CAMK4: variants seen among roughly 807,000 people sequenced by gnomAD.
CAMK4 encodes the protein calcium/calmodulin-dependent protein kinase type IV.
CAMK4 carries 22 observed loss-of-function variants against 44.9 expected under a neutral mutation model. The observed-to-expected ratio is 0.49, with a 90% CI of 0.35 to 0.70. The LOEUF is 0.70. Among genes scored for constraint, CAMK4 ranks in the 30% least tolerant of loss-of-function variants. The probability of loss-of-function intolerance (pLI) is 0.01; values close to 1 mark genes in which losing one functional copy is unlikely to be tolerated. For missense variants in CAMK4, 498 were observed against 586.8 expected, an observed-to-expected ratio of 0.85 and a Z score of 1.56; for synonymous variants, 218 against 215.4, an observed-to-expected ratio of 1.01 and a Z score of -0.11.
intron 8 of CAMK4, among the ~76,000 whole-genome samples, chr5:111,475,197 A>G (rs185305575): frequency 2.0e-5 from 3 of 152,192 alleles, no homozygotes; most frequent in Admixed American, 2.0e-4. Context: ...AAGAAAAAGA[A>G]AAGCTTGAGA....
intron 1 of CAMK4, among the ~76,000 whole-genome samples, chr5:111,341,686 G>A (rs1288349570): frequency 6.6e-6 from 1 of 151,150 alleles, no homozygotes; most frequent in African/African-American, 2.4e-5. Flanking sequence ...ACCTTACTGT[G>A]CCAAGTATCA....
intron 1 of CAMK4, among the ~76,000 whole-genome samples, chr5:111,332,718 T>C (rs2560495): frequency 0.36 from 53,940 of 151,400 alleles, 10,562 homozygotes; most frequent in South Asian, 0.52. Flanking sequence ...GTCTAGTGCA[T>C]TTGGGTGTTA....
At position 111,459,686 on chromosome 5, in the gene CAMK4, C is replaced by CTTTTTTTTTTTTTTTTTT. The variant is rs56176713; in HGVS notation, c.625+10492_625+10509dup. ...TGTTCTCTTTGAGTTTAGAGACAGT[C>CTTTTTTTTTTTTTTTTTT]TTTTTTTTTTTTTTTTTTTTTTTTT... is the stretch of plus-strand genomic sequence containing the variant. On this transcript the variant is annotated intron_variant, in intron 7 of 10. Transcript: ENST00000282356. 3.2e-4 allele frequency among the ~76,000 whole-genome samples: 28 copies of CTTTTTTTTTTTTTTTTTT among 86,688 alleles called. 1 individual carries two copies. Among genetic ancestry groups the CTTTTTTTTTTTTTTTTTT allele is most frequent in the African/African-American group, 1.4e-3 (28 of 20,122 alleles). 56.9% of individuals were successfully genotyped at this position (86,688 alleles called of 152,430 possible).
chr5:111,346,569 A>G (rs943659279), intron 2 of CAMK4, among the ~76,000 whole-genome samples: 2 of 151,776 alleles, frequency 1.3e-5, no homozygotes, highest in Non-Finnish European at 1.5e-5. Flanking sequence ...GGTCCAATAA[A>G]CTACCACAAA....
intron 2 of CAMK4, among the ~76,000 whole-genome samples, chr5:111,366,568 T>A (rs1469179291): frequency 6.6e-6 from 1 of 152,154 alleles, no homozygotes; most frequent in Non-Finnish European, 1.5e-5. Context: ...GCTTTTTTCT[T>A]CATATGTTTT....
rs180806724 is a variant in CAMK4 at position 111,243,894 on chromosome 5, A to C, written c.161+19250A>C. Among the ~76,000 whole-genome samples the C allele has an allele frequency of 1.3e-3, 205 of 152,332 alleles. 1 individual carries two copies. The highest frequency in any genetic ancestry group is 2.1e-3 in the Non-Finnish European group (142 of 68,032). On this transcript the variant is annotated intron_variant, in intron 1 of 10. Transcript: ENST00000282356. ...TTCACCATTCTTAAGATTCTGACTT[A>C]GATTTTTTCAGGAACTTAGAGCTGG...
In CAMK4 at chr5:111,486,813, G is replaced by C. The variant is rs566032638; in HGVS notation, c.*2347G>C. 54 of 152,104 alleles carry C rather than the reference G, an allele frequency of 3.6e-4. No homozygotes were observed. Among genetic ancestry groups the C allele is most frequent in the African/African-American group, 1.3e-3 (52 of 41,500 alleles). 9.4% of individuals were successfully genotyped at this position (152,104 alleles called of 1,614,324 possible). On this transcript the variant is annotated 3_prime_UTR_variant, in exon 11 of 11. Coordinates refer to ENST00000282356, the MANE Select transcript of CAMK4 (RefSeq NM_001744.6). Reference sequence around the variant, plus strand: ...TTACCATTCCTCCATGTGAGTACTCGAGTTGATAATTCCCTCTATCTTTTT... The same window carrying C: ...TTACCATTCCTCCATGTGAGTACTCCAGTTGATAATTCCCTCTATCTTTTT...
intron 2 of CAMK4, among the ~76,000 whole-genome samples, chr5:111,350,717 C>T (rs1251620253): frequency 1.3e-5 from 2 of 152,032 alleles, no homozygotes; most frequent in Non-Finnish European, 2.9e-5. Flanking sequence ...ATTTAATGAA[C>T]ATTCACCTAG....
intron 5 of CAMK4, among the ~76,000 whole-genome samples, chr5:111,408,698 A>G (rs184914026): frequency 6.6e-6 from 1 of 152,190 alleles, no homozygotes; most frequent in South Asian, 2.1e-4. Flanking sequence ...GAGACAAAGC[A>G]AGTCCCTTCT....
At chr5:111,293,715 G>A (rs1359325874) in intron 1 of CAMK4, among the ~76,000 whole-genome samples, 4 of 145,060 alleles carry the variant, frequency 2.8e-5, no homozygotes, top group African/African-American at 2.6e-5. Flanking sequence ...TTACAGGCGT[G>A]AGCCATCACG....
At chr5:111,368,392 G>A (rs1184659372) in intron 2 of CAMK4, among the ~76,000 whole-genome samples, 3 of 152,146 alleles carry the variant, frequency 2.0e-5, no homozygotes, top group Non-Finnish European at 2.9e-5. Flanking sequence ...AATTTGGAAA[G>A]GGAATTTAGA....
intron 1 of CAMK4, among the ~76,000 whole-genome samples, chr5:111,310,406 C>T (rs988608846): frequency 3.9e-5 from 6 of 152,108 alleles, no homozygotes; most frequent in East Asian, 3.9e-4. Context: ...ACAGAAGTTC[C>T]GGCACTAATG....
chr5:111,292,803 C>T (rs1336769005), intron 1 of CAMK4, among the ~76,000 whole-genome samples: 1 of 151,958 alleles, frequency 6.6e-6, no homozygotes, highest in South Asian at 2.1e-4. Context: ...TGGTGGTGCA[C>T]ACCTGTAGTT....
At chr5:111,452,914 C>G (rs1284788628) in intron 7 of CAMK4, among the ~76,000 whole-genome samples, 1 of 152,134 alleles carries the variant, frequency 6.6e-6, no homozygotes, top group Non-Finnish European at 1.5e-5. Context: ...GGAAGGTAGA[C>G]TCTACTTACC....
intron 1 of CAMK4, among the ~76,000 whole-genome samples, chr5:111,324,312 TTAAATA>T (rs1441581042): frequency 6.6e-6 from 1 of 151,914 alleles, no homozygotes; most frequent in Non-Finnish European, 1.5e-5. Flanking sequence ...GAGATGCACT[TTAAATA>T]TAAAGACAAA....
intron 1 of CAMK4, among the ~76,000 whole-genome samples, chr5:111,311,114 T>G (rs1387175421): frequency 6.6e-6 from 1 of 152,200 alleles, no homozygotes; most frequent in Non-Finnish European, 1.5e-5. Flanking sequence ...ATTACCTGGG[T>G]GAAGGTAAAA....
At chr5:111,274,264 C>G (rs1448943994) in intron 1 of CAMK4, among the ~76,000 whole-genome samples, 1 of 152,144 alleles carries the variant, frequency 6.6e-6, no homozygotes, top group African/African-American at 2.4e-5. Context: ...TTCTCCCTCT[C>G]TGTTTCCCCT....
chr5:111,237,382 C>T (rs1352724795), intron 1 of CAMK4, among the ~76,000 whole-genome samples: 1 of 152,160 alleles, frequency 6.6e-6, no homozygotes, highest in African/African-American at 2.4e-5. Flanking sequence ...ATTCTCTGGG[C>T]GATCACCTTA....
At chr5:111,296,181 G>A (rs1747477292) in intron 1 of CAMK4, among the ~76,000 whole-genome samples, 1 of 152,184 alleles carries the variant, frequency 6.6e-6, no homozygotes, top group Non-Finnish European at 1.5e-5. Flanking sequence ...AAATATCAGT[G>A]TATGCTTATT....
Sources: allele counts gnomAD v4.1 joint callset (sites outside exome capture counted in the v4.1 genomes callset), GRCh38; gene constraint gnomAD v4.1.1; transcripts MANE v1.5; gene names NCBI Gene and HGNC (gene_info 2026-07-23, HGNC 2026-07-21).